KRT8: variants seen among roughly 807,000 people sequenced by gnomAD.
KRT8 encodes keratin 8, also known as keratin, type II cytoskeletal 8.
In KRT8, 24 loss-of-function variants were observed where a neutral mutation model predicts 43.0. That is an observed-to-expected ratio of 0.56 (90% CI 0.40 to 0.78). KRT8 has a LOEUF of 0.78. KRT8 is among the 30% of genes least tolerant of loss of function. The pLI, the probability that KRT8 is intolerant of heterozygous loss-of-function variation, is 0.00. For synonymous variants in KRT8, 214 were observed against 261.2 expected (o/e 0.82, Z 1.74); for missense variants, 492 against 638.4 (o/e 0.77, Z 2.47).
chr12:52,928,041 AAAGC>A (rs1215048235), intron 2 of KRT8, among the ~76,000 whole-genome samples: 1 of 152,192 alleles, frequency 6.6e-6, no homozygotes, highest in Admixed American at 6.5e-5. Context: ...CTGGGCAACA[AAAGC>A]AAGACTCTGT....
chr12:52,906,520 C>G (rs1565720779), upstream of KRT8: 1 of 367,606 alleles, frequency 2.7e-6, no homozygotes, highest in Non-Finnish European at 5.4e-6. Flanking sequence ...GTAGCACGCA[C>G]CTGTGGGAGG....
chr12:52,923,055 C>T (rs577429530), intron 2 of KRT8, among the ~76,000 whole-genome samples: 26 of 152,298 alleles, frequency 1.7e-4, no homozygotes, highest in African/African-American at 6.0e-4. Flanking sequence ...GCTCCCAGCT[C>T]TCTGCCCTCC....
chr12:52,948,751 A>C, intron 2 of KRT8: 1 of 401,582 alleles, frequency 2.5e-6, no homozygotes, highest in Non-Finnish European at 4.4e-6. Flanking sequence ...AGGCCTCCCA[A>C]AGTGCTGAGA....
At chr12:52,917,403 AAAAAAAAAG>A (rs1316232874) in intron 2 of KRT8, among the ~76,000 whole-genome samples, 1 of 151,152 alleles carries the variant, frequency 6.6e-6, no homozygotes, top group Non-Finnish European at 1.5e-5. Flanking sequence ...CCATCTCAAA[AAAAAAAAAG>A]AAAAAAAAGA....
At chr12:52,908,536 G>A (rs544467753), upstream of KRT8, among the ~76,000 whole-genome samples, 1 of 152,334 alleles carries the variant, frequency 6.6e-6, no homozygotes, top group South Asian at 2.1e-4. Context: ...CGTATGCTCA[G>A]TGAAAGGAGA....
At chr12:52,916,689 A>G (rs796883027) in intron 2 of KRT8, among the ~76,000 whole-genome samples, 10 of 152,218 alleles carry the variant, frequency 6.6e-5, no homozygotes, top group African/African-American at 2.2e-4. Flanking sequence ...TTCATCCCAC[A>G]CACACCCCTT....
At chr12:52,911,217 T>A (rs1941630657), upstream of KRT8, among the ~76,000 whole-genome samples, 1 of 152,072 alleles carries the variant, frequency 6.6e-6, no homozygotes, top group Admixed American at 6.6e-5. Context: ...CCGGGCGTGG[T>A]AGTGGGCACC....
chr12:52,927,201 C>T (rs1308000063), intron 2 of KRT8, among the ~76,000 whole-genome samples: 1 of 152,178 alleles, frequency 6.6e-6, no homozygotes, highest in Non-Finnish European at 1.5e-5. Flanking sequence ...AGGAAGACCC[C>T]TTCACCTTCA....
At chr12:52,905,271 G>A (rs1319742869), upstream of KRT8, among the ~76,000 whole-genome samples, 2 of 152,100 alleles carry the variant, frequency 1.3e-5, no homozygotes, top group Non-Finnish European at 2.9e-5. Context: ...ACCACCCCCA[G>A]AAACCCAGGA....
At chr12:52,936,593 A>G (rs1039496943) in intron 2 of KRT8, among the ~76,000 whole-genome samples, 1 of 151,740 alleles carries the variant, frequency 6.6e-6, no homozygotes, top group African/African-American at 2.4e-5. Flanking sequence ...ACTCACTGCA[A>G]CCTCTGCCTC....
exon 5 of KRT8, chr12:52,900,059 G>C (rs148103654): frequency 1.2e-6 from 2 of 1,612,362 alleles, no homozygotes; most frequent in South Asian, 2.2e-5. Flanking sequence ...TGCAGCTCCC[G>C]GATCTCCTGT....
intron 2 of KRT8, among the ~76,000 whole-genome samples, chr12:52,945,253 TGA>T (rs528337428): frequency 5.3e-5 from 8 of 152,098 alleles, no homozygotes; most frequent in Non-Finnish European, 1.2e-4. Context: ...TACCCTCCAC[TGA>T]GAGTAGCTGA....
chr12:52,913,137 A>G lies in KRT8; in HGVS notation c.-46-8110T>C, dbSNP rs1374159058. Among the ~76,000 whole-genome samples the G allele has an allele frequency of 2.6e-5, 4 of 152,206 alleles. No individual in the cohort carries two copies. In the East Asian group the frequency reaches 5.8e-4, roughly 22 times the overall value. On this transcript the variant is annotated intron_variant, in intron 2 of 6. Coordinates refer to the KRT8 transcript ENST00000546826. ...GCTCAGCCGAGGTTAATCACCCACC[A>G]TAAAAGCAACCACAGCCCATGGAGA...
At chr12:52,914,320 TG>T (rs912551699) in intron 2 of KRT8, among the ~76,000 whole-genome samples, 5 of 151,930 alleles carry the variant, frequency 3.3e-5, no homozygotes, top group African/African-American at 9.7e-5. Context: ...GCGGATCACC[TG>T]AGGTTGGGAG....
intron 2 of KRT8, chr12:52,926,337 C>T: frequency 7.2e-6 from 4 of 556,514 alleles, no homozygotes; most frequent in East Asian, 3.8e-5. Context: ...TAGCTGCCCT[C>T]CCCACCCCAC....
At chr12:52,913,818 C>T (rs994746516) in intron 2 of KRT8, among the ~76,000 whole-genome samples, 1 of 152,260 alleles carries the variant, frequency 6.6e-6, no homozygotes, top group Non-Finnish European at 1.5e-5. Flanking sequence ...CCTGTGCACA[C>T]ACAGCCATAT....
At chr12:52,944,765 G>A (rs576176945) in intron 2 of KRT8, among the ~76,000 whole-genome samples, 48 of 152,296 alleles carry the variant, frequency 3.2e-4, no homozygotes, top group African/African-American at 1.1e-3. Context: ...TAAGTGTCAG[G>A]GCATTCCTCG....
intron 2 of KRT8, among the ~76,000 whole-genome samples, chr12:52,919,130 T>G (rs1860557519): frequency 6.6e-6 from 1 of 152,178 alleles, no homozygotes; most frequent in African/African-American, 2.4e-5. Flanking sequence ...GAGCTAGCCA[T>G]GCAAACAGAG....
intron 2 of KRT8, among the ~76,000 whole-genome samples, chr12:52,919,809 C>T (rs1264353023): frequency 7.9e-5 from 12 of 151,866 alleles, no homozygotes; most frequent in African/African-American, 2.4e-4. Flanking sequence ...CCACCATGCC[C>T]GGATAATTTT....
Sources: gnomAD v4.1 joint callset for allele counts (sites outside exome capture counted in the v4.1 genomes callset) on GRCh38, gnomAD v4.1.1 for gene constraint, MANE v1.5 for transcripts, NCBI Gene and HGNC (gene_info 2026-07-23, HGNC 2026-07-21) for gene names.